The following TMPRSS9 variants were observed in gnomAD, a reference collection of about 807,000 sequenced individuals.
TMPRSS9 encodes transmembrane serine protease 9.
Under a neutral mutation model 111.4 loss-of-function variants are expected in TMPRSS9, and 113 were observed. The observed-to-expected ratio is 1.01, with a 90% CI of 0.87 to 1.19. The LOEUF (loss-of-function observed/expected upper bound fraction) is 1.19, where lower values mean the gene tolerates loss of function less well. Among genes scored for constraint, TMPRSS9 ranks in the 50% most tolerant of loss-of-function variants. TMPRSS9 has a pLI of 0.00. For synonymous variants in TMPRSS9, 805 were observed against 659.1 expected (o/e 1.22, Z -3.39); for missense variants, 1,803 against 1,513.1 (o/e 1.19, Z -3.18).
intron 1 of TMPRSS9, among the ~76,000 whole-genome samples, chr19:2,391,644 C>T (rs949015757): frequency 6.7e-6 from 1 of 150,040 alleles, no homozygotes; most frequent in Non-Finnish European, 1.5e-5. Flanking sequence ...GAGGCAGGGG[C>T]GGGGCAGAGT....
chr19:2,381,763 G>A (rs1444601784), intron 1 of TMPRSS9, among the ~76,000 whole-genome samples: 4 of 152,182 alleles, frequency 2.6e-5, no homozygotes, highest in African/African-American at 9.7e-5. Flanking sequence ...CCAGCATAGG[G>A]TTGCCAGACT....
chr19:2,418,291 C>T (rs1258797152), intron 13 of TMPRSS9, among the ~76,000 whole-genome samples, 153 bp downstream of exon 14: 2 of 71,840 alleles, frequency 2.8e-5, no homozygotes, highest in Non-Finnish European at 5.7e-5. Flanking sequence ...TCCTTTCCTC[C>T]TTTCCTTCCC....
At position 2,425,266 on chromosome 19, in the gene TMPRSS9, AGGT is replaced by A. The variant is rs1412096364; in HGVS notation, c.2983_2983+2del. The A allele has an allele frequency of 1.5e-6, 2 of 1,304,538 alleles. No individual in the cohort carries two copies. The highest frequency in any genetic ancestry group is 4.3e-5 in the Admixed American group (1 of 23,002). The allele number at this position is 1,304,538 out of a possible 1,614,324, so 80.8% of individuals were successfully genotyped here. A position where few individuals can be genotyped will look rare whatever the true frequency, so the allele number is the denominator to read the frequency against. On this transcript the variant is annotated splice_donor_variant and coding_sequence_variant, in exon 16 of 18. Coordinates refer to ENST00000648592, the Ensembl canonical transcript of TMPRSS9. LOFTEE classifies it high-confidence loss of function. ...CCGGCTGGGGCTCGGTGCGCGAAGG[AGGT>A]AGGCGCGCCCGGGGCCGCGGTGGTG...
intron 14 of TMPRSS9, among the ~76,000 whole-genome samples, chr19:2,423,244 CTT>C (rs1423008508): frequency 2.0e-5 from 3 of 151,784 alleles, no homozygotes; most frequent in African/African-American, 7.3e-5. Context: ...CGTGGGATCT[CTT>C]TGGGCCCAAA....
intron 1 of TMPRSS9, among the ~76,000 whole-genome samples, chr19:2,377,855 G>A (rs1220843640): frequency 6.8e-6 from 1 of 146,878 alleles, no homozygotes; most frequent in Non-Finnish European, 1.5e-5. Flanking sequence ...TGGGACTACA[G>A]ATATGTGCCA....
At chr19:2,368,774 G>GTTTTTTGTTTTTTTTTT (rs1970266065) in intron 1 of TMPRSS9, among the ~76,000 whole-genome samples, 2 of 70,364 alleles carry the variant, frequency 2.8e-5, no homozygotes, top group Non-Finnish European at 5.1e-5. Context: ...GATAAACCCA[G>GTTTTTTGTTTTTTTTTT]TTTTTTTTTT....
intron 1 of TMPRSS9, among the ~76,000 whole-genome samples, chr19:2,362,061 C>T (rs1340652052): frequency 6.6e-6 from 1 of 151,652 alleles, no homozygotes. Flanking sequence ...GTGTCTGTAG[C>T]TGCATATGGC....
exon 15 of TMPRSS9, chr19:2,424,107 C>G: frequency 7.5e-7 from 1 of 1,325,300 alleles, no homozygotes; most frequent in Non-Finnish European, 9.7e-7. Context: ...CTGGCGCCGG[C>G]CGCGCTCACC....
intron 1 of TMPRSS9, among the ~76,000 whole-genome samples, chr19:2,368,165 G>T (rs559139654): frequency 6.6e-6 from 1 of 152,160 alleles, no homozygotes; most frequent in African/African-American, 2.4e-5. Context: ...ATTAGGCTAC[G>T]GAACGGAGAG....
intron 1 of TMPRSS9, among the ~76,000 whole-genome samples, chr19:2,369,595 TA>T (rs1391605145): frequency 2.9e-5 from 4 of 138,050 alleles, no homozygotes; most frequent in Non-Finnish European, 6.1e-5. Context: ...GGCTAATTTG[TA>T]ATTTTTTTTT....
At chr19:2,374,558 G>C (rs1401065998) in intron 1 of TMPRSS9, among the ~76,000 whole-genome samples, 1 of 151,852 alleles carries the variant, frequency 6.6e-6, no homozygotes, top group Non-Finnish European at 1.5e-5. Context: ...TGGAGACAGA[G>C]CGAGACTCCG....
At chr19:2,412,851 C>G (rs1470492286) in intron 9 of TMPRSS9, among the ~76,000 whole-genome samples, 2 of 152,034 alleles carry the variant, frequency 1.3e-5, no homozygotes, top group Non-Finnish European at 2.9e-5. Flanking sequence ...ATATTGAAAC[C>G]AGAATCTGGA....
chr19:2,381,169 G>A (rs1303096868), intron 1 of TMPRSS9, among the ~76,000 whole-genome samples: 4 of 152,034 alleles, frequency 2.6e-5, no homozygotes, highest in Non-Finnish European at 5.9e-5. Flanking sequence ...CTGGCCCATC[G>A]TAAAGGTTGG....
rs538826788 is a variant in TMPRSS9, at chr19:2,399,742, G to A, written c.514+549G>A. On this transcript the variant is annotated intron_variant, in intron 4 of 17. Transcript: ENST00000648592. ...TTCCATTTTTTTTATTTTTGAGACA[G>A]GATCTCACTCTGTTGCCCAGTCTGG... Among the ~76,000 whole-genome samples the A allele has an allele frequency of 7.9e-5, 12 of 152,120 alleles. No individual in the cohort carries two copies. The South Asian group carries it at 2.5e-3, about 32-fold the overall frequency.
At chr19:2,408,246 T>C (rs1008532437) in intron 7 of TMPRSS9, 110 bp from the exon 9 acceptor site, 6 of 1,050,138 alleles carry the variant, frequency 5.7e-6, no homozygotes, top group Admixed American at 4.9e-5. Flanking sequence ...TTCATAAATA[T>C]TAATGTGGGG....
intron 13 of TMPRSS9, among the ~76,000 whole-genome samples, 173 bp downstream of exon 14, chr19:2,418,311 C>CCT (rs1568189291): frequency 9.6e-5 from 3 of 31,184 alleles, no homozygotes; most frequent in African/African-American, 3.5e-4. Flanking sequence ...CTCCCTTTCC[C>CCT]TCCCTCCCTC....
chr19:2,371,415 A>G (rs1970289465), intron 1 of TMPRSS9, among the ~76,000 whole-genome samples: 1 of 152,040 alleles, frequency 6.6e-6, no homozygotes, highest in South Asian at 2.1e-4. Flanking sequence ...TGCCGGGCGC[A>G]GCGGCTCACG....
intron 10 of TMPRSS9, among the ~76,000 whole-genome samples, chr19:2,414,575 CCAGA>C (rs111860083): frequency 0.016 from 2,428 of 151,958 alleles, 55 homozygotes; most frequent in East Asian, 0.098. Context: ...TAGTTTGTAC[CCAGA>C]CAACTTGTAG....
exon 8 of TMPRSS9, chr19:2,408,544 C>A (rs1339977065): frequency 6.2e-7 from 1 of 1,613,734 alleles, no homozygotes. Flanking sequence ...CACATCCAGC[C>A]CGTGTGCCTC....
Sources: allele counts gnomAD v4.1 joint callset (sites outside exome capture counted in the v4.1 genomes callset), GRCh38; gene constraint gnomAD v4.1.1; transcripts MANE v1.5; gene names NCBI Gene and HGNC (gene_info 2026-07-23, HGNC 2026-07-21).